NELFA: variants seen among roughly 807,000 people sequenced by gnomAD.
NELFA encodes the protein negative elongation factor complex member A.
NELFA carries 35 observed loss-of-function variants against 51.8 expected under a neutral mutation model. That is an observed-to-expected ratio of 0.68 (90% confidence interval 0.52 to 0.90). NELFA has a LOEUF of 0.90. NELFA is among the 40% of genes least tolerant of loss of function. The pLI, the probability that NELFA is intolerant of heterozygous loss-of-function variation, is 0.00. For synonymous variants in NELFA, 417 were observed against 338.4 expected (o/e 1.23, Z -2.55); for missense variants, 658 against 746.4 (o/e 0.88, Z 1.38).
rs115140727 is a variant in NELFA at position 1,983,296 on chromosome 4, G to A, written c.*23C>T. On this transcript the variant is annotated 3_prime_UTR_variant, in exon 11 of 11. Coordinates refer to ENST00000382882, the MANE Select transcript of NELFA (RefSeq NM_005663.5). ...CGTCCCGTGGACCCCCACAAGTGAC[G>A]GCCAGCTGTGAGGCAGGTGGTTCTA... The A allele has an allele frequency of 3.1e-5, 50 of 1,599,162 alleles. No individual in the cohort carries two copies. The highest frequency in any genetic ancestry group is 2.4e-4 in the African/African-American group (18 of 74,832).
At chr4:1,990,696 T>C (rs1210337955) in intron 2 of NELFA, among the ~76,000 whole-genome samples, 1 of 152,206 alleles carries the variant, frequency 6.6e-6, no homozygotes, top group Non-Finnish European at 1.5e-5. Context: ...GGCACAACGT[T>C]TGGGCTCTGA....
chr4:1,992,050 C>T (rs1477822418), intron 1 of NELFA: 2 of 248,934 alleles, frequency 8.0e-6, no homozygotes, highest in Non-Finnish European at 1.6e-5. Context: ...GCCGGGGCCA[C>T]CACTGCTCCC....
chr4:2,005,595 G>A (rs987330197), intron 1 of NELFA, among the ~76,000 whole-genome samples: 3 of 152,132 alleles, frequency 2.0e-5, no homozygotes, highest in Non-Finnish European at 4.4e-5. Context: ...GGGAAGCTAA[G>A]GTAGGAGAAT....
chr4:1,991,465 C>T, intron 2 of NELFA, 79 bp downstream of exon 2: 1 of 1,488,910 alleles, frequency 6.7e-7, no homozygotes. Flanking sequence ...GTCTAAAAAT[C>T]AAATTCATTT....
Position 1,989,617 on chromosome 4 carries a change from C to T in NELFA, c.544+91G>A, listed in dbSNP as rs1447525555. 1 of 1,416,114 alleles carries T rather than the reference C, an allele frequency of 7.1e-7. No individual in the cohort carries two copies. Among genetic ancestry groups the T allele is most frequent in the African/African-American group, 1.4e-5 (1 of 69,826 alleles). 87.7% of individuals were successfully genotyped at this position (1,416,114 alleles called of 1,614,324 possible). On this transcript the variant is annotated intron_variant, in intron 3 of 10. Coordinates refer to ENST00000382882, the MANE Select transcript of NELFA (RefSeq NM_005663.5). The surrounding 1 kb of genome is among the most constrained non-coding windows in gnomAD (Gnocchi z 4.8). ...CACCATGCCTGGCCCAGAACGCCACCTTGAAGGGGCAGTCTTGGTACCTTA... is the reference window on the plus strand; with the variant it reads ...CACCATGCCTGGCCCAGAACGCCACTTTGAAGGGGCAGTCTTGGTACCTTA...
chr4:1,993,801 T>G (rs900853828), intron 1 of NELFA, among the ~76,000 whole-genome samples: 10 of 148,288 alleles, frequency 6.7e-5, no homozygotes, highest in African/African-American at 2.5e-4. Flanking sequence ...GGGCCTTTTT[T>G]TTTTTTTTTT....
rs751112227 is a variant in NELFA, at chr4:1,985,759, G to A, written c.924+17C>T. 1.3e-5 allele frequency: 21 copies of A among 1,609,310 alleles called. No homozygotes were observed. The highest frequency in any genetic ancestry group is 1.7e-4 in the Middle Eastern group (1 of 6,058). On this transcript the variant is annotated intron_variant, in intron 7 of 10. Transcript: ENST00000382882. ...CCCGCAGTGGTGCCAGACATGGGGT[G>A]CAGCCCCGAGCCCTACCTGCGTGGA...
At chr4:2,000,406 TAAAG>T (rs906120776) in intron 1 of NELFA, among the ~76,000 whole-genome samples, 3 of 151,674 alleles carry the variant, frequency 2.0e-5, no homozygotes, top group Admixed American at 6.6e-5. Context: ...GCTAGACTAA[TAAAG>T]AAGAGAGAGA....
At position 1,991,575 on chromosome 4, in the gene NELFA, A is replaced by G. The variant is rs1560869240; in HGVS notation, c.351T>C (p.Val117=). The G allele has an allele frequency of 6.2e-7, 1 of 1,614,078 alleles. No individual in the cohort carries two copies. The change falls in exon 2 of 11, where the codon GTT becomes GTC. Residue 117 remains valine, a synonymous_variant. Coordinates refer to ENST00000382882, the MANE Select transcript of NELFA (RefSeq NM_005663.5). ...CTCTAAGTTCTCCCAAAATATCCTGAACGTTGGGATTCTGCTCCTCCAGCT... is the reference window on the plus strand; with the variant it reads ...CTCTAAGTTCTCCCAAAATATCCTGGACGTTGGGATTCTGCTCCTCCAGCT... ...NLELEEQNPN[V]QDILGELREK...
At chr4:1,999,905 A>C (rs1217309459) in intron 1 of NELFA, among the ~76,000 whole-genome samples, 1 of 152,216 alleles carries the variant, frequency 6.6e-6, no homozygotes, top group African/African-American at 2.4e-5. Context: ...GCAAATGCAA[A>C]AGAACTGAAA....
intron 1 of NELFA, chr4:2,003,837 C>CTTTTT (rs141354558): frequency 2.2e-5 from 3 of 139,250 alleles, no homozygotes; most frequent in African/African-American, 8.0e-5. Flanking sequence ...CATATGCATC[C>CTTTTT]TTTTTTTTTT....
rs1391247717 is a variant in NELFA at position 1,989,489 on chromosome 4, G to A, written c.544+219C>T. 2.6e-5 allele frequency among the ~76,000 whole-genome samples: 4 copies of A among 151,838 alleles called. No homozygotes were observed. Among genetic ancestry groups the A allele is most frequent in the African/African-American group, 4.8e-5 (2 of 41,308 alleles). On this transcript the variant is annotated intron_variant, in intron 3 of 10. Transcript: ENST00000382882. The surrounding 1 kb of genome is among the most constrained non-coding windows in gnomAD (Gnocchi z 4.8). ...AGCACAGGCACGCACCACCATGCCC[G>A]GCTAATGTTTTGGTACTTTTGGTAG...
chr4:1,983,209 C>T lies in NELFA; in HGVS notation c.*110G>A, dbSNP rs1027839477. 25 of 1,131,394 alleles carry T rather than the reference C, an allele frequency of 2.2e-5. No individual in the cohort carries two copies. The highest frequency in any genetic ancestry group is 1.1e-4 in the African/African-American group (7 of 64,520). The allele number at this position is 1,131,394 out of a possible 1,614,324, so 70.1% of individuals were successfully genotyped here. Reference sequence around the variant, plus strand: ...ACAGGCTGGGTCAGCAGCAGGGCGGCGGCCGGGGGACCTCGGGGGCCAGGT... The same window carrying T: ...ACAGGCTGGGTCAGCAGCAGGGCGGTGGCCGGGGGACCTCGGGGGCCAGGT... On this transcript the variant is annotated 3_prime_UTR_variant, in exon 11 of 11. Coordinates refer to ENST00000382882, the MANE Select transcript of NELFA (RefSeq NM_005663.5).
intron 3 of NELFA, 137 bp from the exon 4 acceptor site, chr4:1,988,144 C>T (rs937270352): frequency 8.7e-5 from 60 of 691,300 alleles, no homozygotes; most frequent in Non-Finnish European, 1.3e-4. Context: ...AGCAGCTGTT[C>T]CGAGCCGGGC....
intron 1 of NELFA, among the ~76,000 whole-genome samples, chr4:2,003,383 T>A (rs1420971907): frequency 6.6e-6 from 1 of 152,194 alleles, no homozygotes; most frequent in Non-Finnish European, 1.5e-5. Context: ...ACTGGATATA[T>A]ACCCAAAGGA....
At chr4:1,985,510 G>T (rs2109054475) in intron 7 of NELFA, among the ~76,000 whole-genome samples, 1 of 152,312 alleles carries the variant, frequency 6.6e-6, no homozygotes, top group East Asian at 1.9e-4. Context: ...ACGGGACACT[G>T]AGGCACAGGG....
intron 1 of NELFA, chr4:1,992,716 G>C (rs755497867): frequency 1.5e-5 from 3 of 199,444 alleles, no homozygotes; most frequent in Non-Finnish European, 3.1e-5. Flanking sequence ...GGTGGCCTCT[G>C]AGTGGGAGGA....
At chr4:1,997,562 T>C (rs1445210560) in intron 1 of NELFA, among the ~76,000 whole-genome samples, 1 of 152,258 alleles carries the variant, frequency 6.6e-6, no homozygotes, top group African/African-American at 2.4e-5. Context: ...AAAGTTCCTT[T>C]GTGCTCACAC....
At chr4:2,007,674 T>C (rs552559502) in intron 1 of NELFA, among the ~76,000 whole-genome samples, 12 of 152,294 alleles carry the variant, frequency 7.9e-5, no homozygotes, top group African/African-American at 2.6e-4. Flanking sequence ...AAGGCCGTGA[T>C]TACCAGTGGG....
Sources: gnomAD v4.1 joint callset for allele counts (sites outside exome capture counted in the v4.1 genomes callset) on GRCh38, gnomAD v4.1.1 for gene constraint, Gnocchi (gnomAD v3.1) non-coding constraint, MANE v1.5 for transcripts, NCBI Gene and HGNC (gene_info 2026-07-23, HGNC 2026-07-21) for gene names.